The following COQ8B variants were observed in gnomAD, a reference collection of about 807,000 sequenced individuals.
COQ8B encodes coenzyme Q8B.
A neutral mutation model predicts 62.0 loss-of-function variants in COQ8B; 44 were observed. The ratio of observed to expected loss-of-function variants is 0.71; its 90% CI spans 0.56 to 0.91. COQ8B has a LOEUF of 0.91. COQ8B is among the 40% of genes least tolerant of loss of function. The probability of loss-of-function intolerance (pLI) is 0.00; values close to 1 mark genes in which losing one functional copy is unlikely to be tolerated. For synonymous variants in COQ8B, 252 were observed against 289.9 expected (o/e 0.87, Z 1.33); for missense variants, 649 against 731.6 (o/e 0.89, Z 1.30).
intron 13 of COQ8B, among the ~76,000 whole-genome samples, chr19:40,694,760 C>T (rs548683918): frequency 6.6e-6 from 1 of 152,340 alleles, no homozygotes; most frequent in South Asian, 2.1e-4. Flanking sequence ...AGCCTTTTCC[C>T]AGTTGGCCCC....
intron 10 of COQ8B, 24 bp downstream of exon 10, chr19:40,702,576 G>T: frequency 6.2e-7 from 1 of 1,611,704 alleles, no homozygotes; most frequent in Non-Finnish European, 8.5e-7. Flanking sequence ...AGGGAAGGAG[G>T]GAAGCTCAGG....
chr19:40,696,066 G>C lies in COQ8B; in HGVS notation c.1144-12C>G. ...TCCAGCAGGGTCACCTGGAAGCAAG[G>C]AATGGTGAAAGGAATGCTGGGATCC... On this transcript the variant is annotated splice_polypyrimidine_tract_variant and intron_variant, in intron 12 of 14. Transcript: ENST00000324464. The C allele has an allele frequency of 6.2e-7, 1 of 1,613,742 alleles. No individual in the cohort carries two copies. The highest frequency in any genetic ancestry group is 8.5e-7 in the Non-Finnish European group (1 of 1,179,784).
In COQ8B at chr19:40,691,769, C is replaced by T. The variant is rs1011138980; in HGVS notation, c.*266G>A. 1 of 372,970 alleles carries T rather than the reference C, an allele frequency of 2.7e-6. No homozygotes were observed. Among genetic ancestry groups the T allele is most frequent in the Admixed American group, 4.3e-5 (1 of 23,240 alleles). The allele number at this position is 372,970 out of a possible 1,614,324, so 23.1% of individuals were successfully genotyped here. A position where few individuals can be genotyped will look rare whatever the true frequency, so the allele number is the denominator to read the frequency against. ...TAACGACATGCAGCGGCCCAAGGCT[C>T]CCTCAAATGTTGGCAAAGATAAGTT... On this transcript the variant is annotated 3_prime_UTR_variant, in exon 15 of 15. Coordinates refer to ENST00000324464, the MANE Select transcript of COQ8B (RefSeq NM_024876.4).
rs398122979 is a variant in COQ8B at position 40,702,636 on chromosome 19, T to C, written c.857A>G (p.Asp286Gly). ...ALQQELAWECDYRREAACAQN... is the reference protein window; with the variant it reads ...ALQQELAWECGYRREAACAQN... ...GGCACAAGCCGCCTCACGACGGTAG[T>C]CACACTCCCAAGCCAGCTCCTGCTG... The change falls in exon 10 of 15, where the codon GAC becomes GGC. Residue 286 changes from aspartate (D) to glycine (G), a missense_variant. Physicochemically the swap from Asp to Gly is moderately conservative, Grantham distance 94 (BLOSUM62 -1). Transcript: ENST00000324464. 7.4e-6 allele frequency: 12 copies of C among 1,612,320 alleles called. No individual in the cohort carries two copies. The highest frequency in any genetic ancestry group is 8.5e-7 in the Non-Finnish European group (1 of 1,179,974).
chr19:40,710,235 C>A, intron 4 of COQ8B, 99 bp from the exon 5 acceptor site: 1 of 1,108,728 alleles, frequency 9.0e-7, no homozygotes, highest in East Asian at 2.4e-5. Flanking sequence ...TGCTTGTCTC[C>A]CAACTCTTTT....
intron 13 of COQ8B, among the ~76,000 whole-genome samples, chr19:40,693,356 C>T (rs753148657): frequency 1.5e-4 from 23 of 152,134 alleles, no homozygotes; most frequent in African/African-American, 3.4e-4. Flanking sequence ...CTCAACTGGA[C>T]GGGTATGAGC....
At chr19:40,712,986 G>C (rs1278847286) in intron 4 of COQ8B, among the ~76,000 whole-genome samples, 1 of 152,264 alleles carries the variant, frequency 6.6e-6, no homozygotes, top group South Asian at 2.1e-4. Context: ...GGCCGAGGCA[G>C]GAGGATCGCT....
chr19:40,708,521 G>A (rs2082117151), intron 5 of COQ8B, among the ~76,000 whole-genome samples: 1 of 152,094 alleles, frequency 6.6e-6, no homozygotes, highest in South Asian at 2.1e-4. Flanking sequence ...ACTCAAAGAG[G>A]TGCAGCACCT....
intron 4 of COQ8B, among the ~76,000 whole-genome samples, chr19:40,711,285 G>A (rs1465399207): frequency 6.6e-6 from 1 of 152,096 alleles, no homozygotes; most frequent in Non-Finnish European, 1.5e-5. Context: ...AGGCTGGAGT[G>A]CAATGGCACC....
At chr19:40,711,984 C>T (rs912802690) in intron 4 of COQ8B, among the ~76,000 whole-genome samples, 2 of 152,034 alleles carry the variant, frequency 1.3e-5, no homozygotes, top group African/African-American at 4.8e-5. Flanking sequence ...GTGCCTTTGA[C>T]TGCCTCTGCA....
Position 40,708,901 on chromosome 19 carries a change from G to A in COQ8B, c.367+1158C>T, listed in dbSNP as rs940908870. Among the ~76,000 whole-genome samples the A allele has an allele frequency of 4.9e-4, 74 of 150,882 alleles. 2 individuals carry two copies. Among genetic ancestry groups the A allele is most frequent in the Non-Finnish European group, 5.9e-5 (4 of 67,820 alleles). Reference sequence around the variant, plus strand: ...GCCATGATCGTACCATTGCATTCCAGCCTGGGTGACACAGCAAGACCCTGT... The same window carrying A: ...GCCATGATCGTACCATTGCATTCCAACCTGGGTGACACAGCAAGACCCTGT... On this transcript the variant is annotated intron_variant, in intron 5 of 14. Transcript: ENST00000324464.
Position 40,692,104 on chromosome 19 carries a change from A to C in COQ8B, c.1566T>G (p.Ser522Arg). 1 of 1,608,524 alleles carries C rather than the reference A, an allele frequency of 6.2e-7. No homozygotes were observed. Among genetic ancestry groups the C allele is most frequent in the Non-Finnish European group, 8.5e-7 (1 of 1,177,738 alleles). ...FQDTYHRYWA[S>R]RQPDAATAGS... ...CGGCAGTGGCTGCGTCTGGCTGGCG[A>C]CTGGCCCAGTAGCGGTGGTAGGTGT... Residue 522 changes from serine (S) to arginine (R), a missense_variant, in exon 15 of 15, where the codon AGT (serine) becomes AGG (arginine). Coordinates refer to ENST00000324464, the MANE Select transcript of COQ8B (RefSeq NM_024876.4).
intron 12 of COQ8B, among the ~76,000 whole-genome samples, chr19:40,699,642 T>C (rs2082046295): frequency 6.6e-6 from 1 of 152,214 alleles, no homozygotes. Flanking sequence ...CTCTGTGCTG[T>C]CACATTGCCA....
Position 40,692,223 on chromosome 19 carries a change from C to A in COQ8B, c.1447G>T (p.Glu483Ter), listed in dbSNP as rs398122980. Residue 483 changes from glutamate to a stop codon, truncating the protein, a stop_gained, in exon 15 of 15, where the codon GAG (glutamate) becomes TAG (stop). Coordinates refer to ENST00000324464, the MANE Select transcript of COQ8B (RefSeq NM_024876.4). LOFTEE classifies it low-confidence loss of function (END_TRUNC). ...TTGCGGTGCAGGGCATAGGTCTCCT[C>A]GGGTGGGGGACACAGCCGGTGCCGC... ...LLRHRLCPPP[E>*]ETYALHRKLA... The A allele has an allele frequency of 1.9e-5, 30 of 1,606,426 alleles. No individual in the cohort carries two copies. The South Asian group carries it at 3.2e-4, about 17-fold the overall frequency.
intron 10 of COQ8B, 90 bp downstream of exon 10, chr19:40,702,510 C>T: frequency 8.0e-7 from 1 of 1,249,420 alleles, no homozygotes; most frequent in South Asian, 1.2e-5. Context: ...CCCTACCCCA[C>T]AGCTCCAGCT....
At chr19:40,713,979 C>T in intron 4 of COQ8B, 88 bp downstream of exon 4, 1 of 1,411,412 alleles carries the variant, frequency 7.1e-7, no homozygotes, top group Non-Finnish European at 9.9e-7. Context: ...TCTTTCCTGT[C>T]TCTGATTCAT....
chr19:40,705,606 T>TA (rs1242420701), intron 5 of COQ8B, among the ~76,000 whole-genome samples, 159 bp from the exon 6 acceptor site: 2 of 151,782 alleles, frequency 1.3e-5, no homozygotes, highest in Non-Finnish European at 2.9e-5. Context: ...CTTTCTCTAT[T>TA]AAAAAAAATA....
rs1298295378 is a variant in COQ8B, at chr19:40,692,868, C to T, written c.1296+83G>A. On this transcript the variant is annotated intron_variant, in intron 14 of 14. Coordinates refer to ENST00000324464, the MANE Select transcript of COQ8B (RefSeq NM_024876.4). ...GTATCGACATGCCCCATCACCTACT[C>T]GAGTTCCTCAGTGGAGATAAGCAGC... The T allele has an allele frequency of 2.7e-5, 34 of 1,236,384 alleles. No individual in the cohort carries two copies. The East Asian group carries it at 3.2e-4, about 12-fold the overall frequency. The allele number at this position is 1,236,384 out of a possible 1,614,324, so 76.6% of individuals were successfully genotyped here. A position where few individuals can be genotyped will look rare whatever the true frequency, so the allele number is the denominator to read the frequency against.
At chr19:40,702,577 G>A in intron 10 of COQ8B, 23 bp downstream of exon 10, 1 of 1,611,366 alleles carries the variant, frequency 6.2e-7, no homozygotes, top group African/African-American at 1.3e-5. Flanking sequence ...GGGAAGGAGG[G>A]AAGCTCAGGG....
Sources: gnomAD v4.1 joint callset for allele counts (sites outside exome capture counted in the v4.1 genomes callset) on GRCh38, gnomAD v4.1.1 for gene constraint, MANE v1.5 for transcripts, NCBI Gene and HGNC (gene_info 2026-07-23, HGNC 2026-07-21) for gene names.